The following ADORA3 variants were observed in gnomAD, a reference collection of about 807,000 sequenced individuals.
ADORA3 encodes the protein adenosine receptor A3.
A neutral mutation model predicts 5.7 loss-of-function variants in ADORA3; 3 were observed. That is an observed-to-expected ratio of 0.52 (90% CI 0.24 to 1.35). The LOEUF (loss-of-function observed/expected upper bound fraction) is 1.35, where lower values mean the gene tolerates loss of function less well. ADORA3 is among the 40% of genes most tolerant of loss of function. The pLI, the probability that ADORA3 is intolerant of heterozygous loss-of-function variation, is 0.17. For synonymous variants in ADORA3, 168 were observed against 152.3 expected, an observed-to-expected ratio of 1.10 and a Z score of -0.76; for missense variants, 343 against 389.0, an observed-to-expected ratio of 0.88 and a Z score of 0.99.
chr1:111,503,619 A>T lies in ADORA3; in HGVS notation c.-265T>A. 39 of 1,262,102 alleles carry T rather than the reference A, an allele frequency of 3.1e-5. No individual in the cohort carries two copies. The highest frequency in any genetic ancestry group is 3.8e-5 in the Non-Finnish European group (38 of 994,578). The allele number at this position is 1,262,102 out of a possible 1,614,324, so 78.2% of individuals were successfully genotyped here. ...TCAAGTTTCCAGAATGCTGTAGGAC[A>T]GCTCTATATGGACTGAATCTGAAAG... On this transcript the variant is annotated 5_prime_UTR_variant, in exon 1 of 2. Coordinates refer to ENST00000241356, the MANE Select transcript of ADORA3 (RefSeq NM_000677.4).
intron 1 of ADORA3, 86 bp from the exon 2 acceptor site, chr1:111,500,642 G>GA: frequency 7.9e-7 from 1 of 1,265,900 alleles, no homozygotes; most frequent in Non-Finnish European, 1.1e-6. Flanking sequence ...GAGAGAGAGA[G>GA]GTGAGATAAG....
rs761990115 is a variant in ADORA3 at position 111,500,366 on chromosome 1, T to C, written c.541A>G (p.Ser181Gly). The part of the protein sequence containing the change: ...VMRMDYMVYF[S>G]FLTWIFIPLV... ...GGGATGAAAATCCAGGTGAGGAAGCTGAAGTATACCATGTAGTCCATTCTC... is the reference window on the plus strand; with the variant it reads ...GGGATGAAAATCCAGGTGAGGAAGCCGAAGTATACCATGTAGTCCATTCTC... Residue 181 changes from serine to glycine, a missense_variant, in exon 2 of 2, where the codon AGC (serine) becomes GGC (glycine). By Grantham distance (56) the Ser-to-Gly change is moderately conservative (BLOSUM62 0). Coordinates refer to ENST00000241356, the MANE Select transcript of ADORA3 (RefSeq NM_000677.4). 13 of 1,614,196 alleles carry C rather than the reference T, an allele frequency of 8.1e-6. No homozygotes were observed. In the South Asian group the frequency reaches 1.4e-4, roughly 18 times the overall value.
Position 111,503,142 on chromosome 1 carries a change from A to C in ADORA3, c.213T>G (p.Val71=), listed in dbSNP as rs142571597. 13 of 1,614,232 alleles carry C rather than the reference A, an allele frequency of 8.1e-6. No homozygotes were observed. In the African/African-American group the frequency reaches 1.5e-4, roughly 18 times the overall value. ...VGVLVMPLAI[V]VSLGITIHFY... ...AGTGGATTGTGATGCCCAGGCTGAC[A>C]ACAATGGCCAAAGGCATGACCAGCA... The change falls in exon 1 of 2, where the codon GTT becomes GTG. Residue 71 remains valine, a synonymous_variant. Coordinates refer to ENST00000241356, the MANE Select transcript of ADORA3 (RefSeq NM_000677.4).
At position 111,503,155 on chromosome 1, in the gene ADORA3, G is replaced by T. The variant is rs780270707; in HGVS notation, c.200C>A (p.Pro67His). ...GCCCAGGCTGACAACAATGGCCAAA[G>T]GCATGACCAGCACCCCAACAGCAAT... Reference protein sequence around the residue: ...ADIAVGVLVMPLAIVVSLGIT... With the variant: ...ADIAVGVLVMHLAIVVSLGIT... Residue 67 changes from proline (P) to histidine (H), a missense_variant, in exon 1 of 2, where the codon CCT (proline) becomes CAT (histidine). Physicochemically the swap from Pro to His is moderately conservative, Grantham distance 77 (BLOSUM62 -2). Transcript: ENST00000241356. The T allele has an allele frequency of 1.2e-6, 2 of 1,614,244 alleles. No homozygotes were observed. The highest frequency in any genetic ancestry group is 3.3e-5 in the Admixed American group (2 of 60,030).
At position 111,499,794 on chromosome 1, in the gene ADORA3, G is replaced by A. The variant is rs558677508; in HGVS notation, c.*156C>T. On this transcript the variant is annotated 3_prime_UTR_variant, in exon 2 of 2. Coordinates refer to ENST00000241356, the MANE Select transcript of ADORA3 (RefSeq NM_000677.4). Reference sequence around the variant, plus strand: ...TGAAGTGGAGGAAGAGAGTAGTGGAGTGGGGGAGATATAATTGGGGAGCAC... The same window carrying A: ...TGAAGTGGAGGAAGAGAGTAGTGGAATGGGGGAGATATAATTGGGGAGCAC... The A allele has an allele frequency of 3.4e-6, 5 of 1,468,732 alleles. No homozygotes were observed. Among genetic ancestry groups the A allele is most frequent in the African/African-American group, 1.4e-5 (1 of 71,218 alleles). The allele number at this position is 1,468,732 out of a possible 1,614,324, so 91.0% of individuals were successfully genotyped here.
In ADORA3 at chr1:111,503,068, G is replaced by A. The variant is rs370388667; in HGVS notation, c.287C>T (p.Ala96Val). The change falls in exon 1 of 2, where the codon GCC (alanine) becomes GTC (valine). Residue 96 changes from alanine to valine, a missense_variant. By Grantham distance (64) the Ala-to-Val change is moderately conservative (BLOSUM62 0). Coordinates refer to ENST00000241356, the MANE Select transcript of ADORA3 (RefSeq NM_000677.4). ...GATGGCCAGCAAGGACATGATGGAGGCGTGGGTAAAGATAAGCAGTAGGCA... is the reference window on the plus strand; with the variant it reads ...GATGGCCAGCAAGGACATGATGGAGACGTGGGTAAAGATAAGCAGTAGGCA... ...MTCLLLIFTH[A>V]SIMSLLAIAV... 6 of 1,614,128 alleles carry A rather than the reference G, an allele frequency of 3.7e-6. No homozygotes were observed. The East Asian group carries it at 1.3e-4, about 36-fold the overall frequency.
At chr1:111,502,984 C>T in intron 1 of ADORA3, 21 bp downstream of exon 1, 1 of 1,608,464 alleles carries the variant, frequency 6.2e-7, no homozygotes, top group East Asian at 2.2e-5. Context: ...CAATTGCTGC[C>T]CACCCCACGC....
Position 111,499,745 on chromosome 1 carries a change from T to G in ADORA3, c.*205A>C. On this transcript the variant is annotated 3_prime_UTR_variant, in exon 2 of 2. Transcript: ENST00000241356. ...AAGTCAGGCCTCCAAAACACTGAATTAGAGAGAAAGGACAAGGGAAAAATG... is the reference window on the plus strand; with the variant it reads ...AAGTCAGGCCTCCAAAACACTGAATGAGAGAGAAAGGACAAGGGAAAAATG... The G allele has an allele frequency of 7.1e-7, 1 of 1,399,604 alleles. No homozygotes were observed. Among genetic ancestry groups the G allele is most frequent in the Non-Finnish European group, 9.3e-7 (1 of 1,077,922 alleles). 86.7% of individuals were successfully genotyped at this position (1,399,604 alleles called of 1,614,324 possible).
chr1:111,502,384 T>C (rs1020260538), intron 1 of ADORA3, among the ~76,000 whole-genome samples: 1 of 133,456 alleles, frequency 7.5e-6, no homozygotes, highest in Non-Finnish European at 1.6e-5. Flanking sequence ...TTATAATGAA[T>C]ATATATAGGA....
intron 1 of ADORA3, chr1:111,500,871 AGG>A (rs1353250532): frequency 8.7e-6 from 4 of 460,204 alleles, no homozygotes; most frequent in Non-Finnish European, 1.5e-5. Flanking sequence ...TGCTCCACTC[AGG>A]GCTCCACTTA....
chr1:111,501,189 C>G (rs1397915303), intron 1 of ADORA3: 1 of 152,498 alleles, frequency 6.6e-6, no homozygotes, highest in Non-Finnish European at 1.5e-5. Context: ...GACACTTCCC[C>G]TCTACCTGTG....
intron 1 of ADORA3, among the ~76,000 whole-genome samples, chr1:111,501,850 C>G (rs1020336834): frequency 6.6e-6 from 1 of 151,540 alleles, no homozygotes; most frequent in Non-Finnish European, 1.5e-5. Flanking sequence ...AGAGAAGTGA[C>G]GAGAAACACG....
At position 111,500,197 on chromosome 1, in the gene ADORA3, A is replaced by C; in HGVS notation, c.710T>G (p.Phe237Cys). The C allele has an allele frequency of 6.2e-7, 1 of 1,614,180 alleles. No individual in the cohort carries two copies. The change falls in exon 2 of 2, where the codon TTC becomes TGC. Residue 237 changes from phenylalanine (F) to cysteine (C), a missense_variant. By Grantham distance (205) the Phe-to-Cys change is radical (BLOSUM62 -2). Coordinates refer to ENST00000241356, the MANE Select transcript of ADORA3 (RefSeq NM_000677.4). ...KTAKSLFLVL[F>C]LFALSWLPLS... is the part of the protein sequence containing the mutation. ...AGGCAGCCATGACAGAGCAAACAAG[A>C]AAAGAACCAGAAACAAGGACTTAGC...
chr1:111,500,921 CT>C (rs56907773), intron 1 of ADORA3: 136,946 of 284,232 alleles, frequency 0.48, 30,230 homozygotes, highest in Admixed American at 0.6. Flanking sequence ...TTTTCTTTTT[CT>C]TTTTTTTTTT....
chr1:111,499,796 G>T lies in ADORA3; in HGVS notation c.*154C>A, dbSNP rs1487398022. The T allele has an allele frequency of 2.0e-6, 3 of 1,471,158 alleles. No homozygotes were observed. The highest frequency in any genetic ancestry group is 2.6e-5 in the Admixed American group (1 of 38,452). 91.1% of individuals were successfully genotyped at this position (1,471,158 alleles called of 1,614,324 possible). On this transcript the variant is annotated 3_prime_UTR_variant, in exon 2 of 2. Transcript: ENST00000241356. The stretch of plus-strand genomic sequence containing the variant: ...AAGTGGAGGAAGAGAGTAGTGGAGT[G>T]GGGGAGATATAATTGGGGAGCACTG...
intron 1 of ADORA3, among the ~76,000 whole-genome samples, chr1:111,502,164 T>A (rs1400358475): frequency 3.1e-5 from 1 of 32,460 alleles, no homozygotes; most frequent in Non-Finnish European, 7.3e-5. Context: ...GGATATATAT[T>A]TATTATAATA....
At chr1:111,502,889 C>T (rs1322722018) in intron 1 of ADORA3, 116 bp downstream of exon 1, 3 of 1,322,024 alleles carry the variant, frequency 2.3e-6, no homozygotes, top group Non-Finnish European at 2.1e-6. Flanking sequence ...TTATTGCCCT[C>T]TTTCAACATC....
Position 111,503,243 on chromosome 1 carries a change from T to C in ADORA3, c.112A>G (p.Lys38Glu). The C allele has an allele frequency of 6.2e-7, 1 of 1,614,240 alleles. No individual in the cohort carries two copies. Among genetic ancestry groups the C allele is most frequent in the Non-Finnish European group, 8.5e-7 (1 of 1,180,032 alleles). ...GTGGTCTGCAGGCTGGGGTTCAGCT[T>C]GACCACGCAGATGACCAGCACGTTG... ...VGNVLVICVV[K>E]LNPSLQTTTF... Residue 38 changes from lysine to glutamate, a missense_variant, in exon 1 of 2, where the codon AAG becomes GAG. Transcript: ENST00000241356.
At position 111,500,476 on chromosome 1, in the gene ADORA3, G is replaced by T. The variant is rs1571412799; in HGVS notation, c.431C>A (p.Thr144Asn). The T allele has an allele frequency of 6.2e-7, 1 of 1,614,184 alleles. No individual in the cohort carries two copies. Among genetic ancestry groups the T allele is most frequent in the Non-Finnish European group, 8.5e-7 (1 of 1,180,012 alleles). ...TTTCATGTTCCAGCCAAACATGGGGGTCAATCCCACCAGGAATGACACCAG... is the reference window on the plus strand; with the variant it reads ...TTTCATGTTCCAGCCAAACATGGGGTTCAATCCCACCAGGAATGACACCAG... ...CWLVSFLVGLTPMFGWNMKLT... is the reference protein window; with the variant it reads ...CWLVSFLVGLNPMFGWNMKLT... The change falls in exon 2 of 2, where the codon ACC (threonine) becomes AAC (asparagine). Residue 144 changes from threonine to asparagine, a missense_variant. Transcript: ENST00000241356.
Sources: gnomAD v4.1 joint callset for allele counts (sites outside exome capture counted in the v4.1 genomes callset) on GRCh38, gnomAD v4.1.1 for gene constraint, MANE v1.5 for transcripts, NCBI Gene and HGNC (gene_info 2026-07-23, HGNC 2026-07-21) for gene names.